The following SGMS1 variants were observed in gnomAD, a reference collection of about 807,000 sequenced individuals.
The protein encoded by SGMS1 is sphingomyelin synthase 1, also known as phosphatidylcholine:ceramide cholinephosphotransferase 1.
In SGMS1, 13 loss-of-function variants were observed where a neutral mutation model predicts 46.2. The observed-to-expected ratio is 0.28, with a 90% CI of 0.18 to 0.45. SGMS1 has a LOEUF of 0.45. Ranked by LOEUF, SGMS1 falls within the 20% of genes least tolerant of loss-of-function variation. The probability of loss-of-function intolerance (pLI) is 1.00; values close to 1 mark genes in which losing one functional copy is unlikely to be tolerated. For synonymous variants in SGMS1, 203 were observed against 187.8 expected, an observed-to-expected ratio of 1.08 and a Z score of -0.66; for missense variants, 324 against 519.9, an observed-to-expected ratio of 0.62 and a Z score of 3.66.
At chr10:50,552,288 C>T (rs1364463485) in intron 2 of SGMS1, among the ~76,000 whole-genome samples, 2 of 152,238 alleles carry the variant, frequency 1.3e-5, no homozygotes, top group Admixed American at 1.3e-4. Flanking sequence ...AGTTAAAACA[C>T]ACTCTATGCC....
At chr10:50,530,644 C>T (rs947852932) in intron 2 of SGMS1, among the ~76,000 whole-genome samples, 3 of 152,050 alleles carry the variant, frequency 2.0e-5, no homozygotes, top group African/African-American at 7.2e-5. Context: ...GCCACCACAT[C>T]TGGCTAATTT....
At chr10:50,386,558 G>A (rs1564898010) in intron 6 of SGMS1, among the ~76,000 whole-genome samples, 1 of 152,154 alleles carries the variant, frequency 6.6e-6, no homozygotes, top group South Asian at 2.1e-4. Flanking sequence ...AAAATAAAAC[G>A]CATGTGTAGT....
chr10:50,597,800 G>T (rs919927198), intron 1 of SGMS1, among the ~76,000 whole-genome samples: 1 of 152,054 alleles, frequency 6.6e-6, no homozygotes, highest in Admixed American at 6.6e-5. Context: ...ATCACCTGAG[G>T]TTGGGAGTTC....
chr10:50,587,633 A>ATGTGTGTGTGTGTGTG (rs35240090), intron 2 of SGMS1, among the ~76,000 whole-genome samples: 107 of 138,246 alleles, frequency 7.7e-4, no homozygotes, highest in African/African-American at 1.0e-3. Flanking sequence ...CAAAATATAT[A>ATGTGTGTGTGTGTGTG]TGTGTGTGTG....
At chr10:50,408,359 C>T (rs55835532) in intron 6 of SGMS1, among the ~76,000 whole-genome samples, 1 of 144,142 alleles carries the variant, frequency 6.9e-6, no homozygotes, top group South Asian at 2.2e-4. Context: ...TCCCAATACT[C>T]TGGGAGGCAA....
chr10:50,422,365 T>C (rs1392022767), intron 6 of SGMS1, among the ~76,000 whole-genome samples: 1 of 152,066 alleles, frequency 6.6e-6, no homozygotes, highest in African/African-American at 2.4e-5. Context: ...TAAACAAATA[T>C]TATAGCTGTT....
chr10:50,307,842 C>CA lies in SGMS1; in HGVS notation c.1062+139dup, dbSNP rs2133267145. Reference sequence around the variant, plus strand: ...TTAATTCTGAAGAGAATCAATGTCACAAAAAAACAATACAATCTTAGTTGA... The same window carrying CA: ...TTAATTCTGAAGAGAATCAATGTCACAAAAAAAACAATACAATCTTAGTTGA... On this transcript the variant is annotated intron_variant, in intron 10 of 10. Transcript: ENST00000361781. This position sits in a 1 kb window ranked among gnomAD's most constrained non-coding sequence, Gnocchi z 4.2. 1 of 768,970 alleles carries CA rather than the reference C, an allele frequency of 1.3e-6. No homozygotes were observed. 47.6% of individuals were successfully genotyped at this position (768,970 alleles called of 1,614,324 possible).
chr10:50,577,936 T>A (rs1397706844), intron 2 of SGMS1, among the ~76,000 whole-genome samples: 1 of 152,154 alleles, frequency 6.6e-6, no homozygotes, highest in East Asian at 1.9e-4. Context: ...GAAATGACCA[T>A]GTTGGTTACT....
chr10:50,452,037 C>T (rs1253121190), intron 5 of SGMS1, among the ~76,000 whole-genome samples: 3 of 152,092 alleles, frequency 2.0e-5, no homozygotes, highest in African/African-American at 7.2e-5. Context: ...TATCATGTAA[C>T]AAATAATATT....
intron 6 of SGMS1, among the ~76,000 whole-genome samples, chr10:50,369,226 A>G (rs1848396302): frequency 6.6e-6 from 1 of 152,248 alleles, no homozygotes; most frequent in African/African-American, 2.4e-5. Flanking sequence ...GGTCAGGTGC[A>G]GTGGCTCACA....
At chr10:50,549,331 T>G (rs935446645) in intron 2 of SGMS1, among the ~76,000 whole-genome samples, 6 of 152,054 alleles carry the variant, frequency 3.9e-5, no homozygotes, top group Non-Finnish European at 8.8e-5. Flanking sequence ...AAAGAAAATG[T>G]ACATATACAC....
At chr10:50,586,070 A>G (rs1838481313) in intron 2 of SGMS1, among the ~76,000 whole-genome samples, 1 of 152,244 alleles carries the variant, frequency 6.6e-6, no homozygotes, top group Non-Finnish European at 1.5e-5. Context: ...TCAACTCTGC[A>G]GTTATAGCAA....
intron 1 of SGMS1, among the ~76,000 whole-genome samples, chr10:50,599,761 G>T (rs1389541682): frequency 2.6e-5 from 4 of 152,076 alleles, no homozygotes; most frequent in Non-Finnish European, 5.9e-5. Flanking sequence ...TACTCAAGAG[G>T]CTGAGGCAAG....
chr10:50,348,445 G>T (rs1262633378), intron 6 of SGMS1, among the ~76,000 whole-genome samples: 1 of 152,114 alleles, frequency 6.6e-6, no homozygotes, highest in Non-Finnish European at 1.5e-5. Flanking sequence ...AAGTCCTTAG[G>T]CTGATAAGCA....
chr10:50,594,098 C>T (rs1838568143), intron 1 of SGMS1, among the ~76,000 whole-genome samples: 1 of 152,168 alleles, frequency 6.6e-6, no homozygotes, highest in African/African-American at 2.4e-5. Context: ...AAGAGGCATG[C>T]TTGTTTTGCC....
chr10:50,564,110 CTT>C (rs1838267247), intron 2 of SGMS1, among the ~76,000 whole-genome samples: 1 of 152,252 alleles, frequency 6.6e-6, no homozygotes, highest in East Asian at 1.9e-4. Flanking sequence ...TTAGCACAGA[CTT>C]TAACCATGAC....
chr10:50,485,271 A>C (rs1004840740), intron 3 of SGMS1, among the ~76,000 whole-genome samples: 8 of 152,208 alleles, frequency 5.3e-5, no homozygotes, highest in Admixed American at 2.0e-4. Flanking sequence ...CAGAGAGCCA[A>C]ATCATGAATG....
intron 2 of SGMS1, among the ~76,000 whole-genome samples, chr10:50,532,650 A>AT (rs1465520947): frequency 1.3e-5 from 2 of 152,238 alleles, no homozygotes; most frequent in Non-Finnish European, 2.9e-5. Context: ...TTAACCTTGC[A>AT]TCAAGTCAAA....
At position 50,305,865 on chromosome 10, in the gene SGMS1, A is replaced by T. The variant is rs1847176368; in HGVS notation, c.*1277T>A. 6.5e-6 allele frequency: 1 copy of T among 152,726 alleles called. No homozygotes were observed. The highest frequency in any genetic ancestry group is 1.5e-5 in the Non-Finnish European group (1 of 68,002). 9.5% of individuals were successfully genotyped at this position (152,726 alleles called of 1,614,324 possible). A position where few individuals can be genotyped will look rare whatever the true frequency, so the allele number is the denominator to read the frequency against. On this transcript the variant is annotated 3_prime_UTR_variant, in exon 11 of 11. Coordinates refer to ENST00000361781, the MANE Select transcript of SGMS1 (RefSeq NM_147156.4). ...ATATATATACTTCTTCATTCTTAAA[A>T]AACTATTTTGTTCTCCACATTGGCA...
Sources: gnomAD v4.1 joint callset for allele counts (sites outside exome capture counted in the v4.1 genomes callset) on GRCh38, gnomAD v4.1.1 for gene constraint, Gnocchi (gnomAD v3.1) non-coding constraint, MANE v1.5 for transcripts, NCBI Gene and HGNC (gene_info 2026-07-23, HGNC 2026-07-21) for gene names.